Variants in EXOC2 observed in about 807,000 individuals in gnomAD.
EXOC2 encodes exocyst complex component 2, also known as SEC5-like 1.
EXOC2 carries 70 observed loss-of-function variants against 131.8 expected under a neutral mutation model. The observed-to-expected ratio is 0.53, with a 90% CI of 0.44 to 0.65. The LOEUF (loss-of-function observed/expected upper bound fraction) is 0.65, where lower values mean the gene tolerates loss of function less well. EXOC2 is among the 30% of genes least tolerant of loss of function. EXOC2 has a pLI of 0.00. For synonymous variants in EXOC2, 411 were observed against 398.4 expected (o/e 1.03, Z -0.38); for missense variants, 923 against 1,108.6 (o/e 0.83, Z 2.38).
chr6:577,341 T>A (rs1220742405), intron 11 of EXOC2, among the ~76,000 whole-genome samples: 1 of 152,210 alleles, frequency 6.6e-6, no homozygotes, highest in East Asian at 1.9e-4. Flanking sequence ...ATGCCAGTCA[T>A]CTAGTGTGGA....
At chr6:690,071 G>A (rs9504777) in intron 1 of EXOC2, among the ~76,000 whole-genome samples, 9 of 152,144 alleles carry the variant, frequency 5.9e-5, no homozygotes, top group African/African-American at 2.2e-4. Flanking sequence ...TTCAAATTGA[G>A]ATCAGCCAGG....
intron 1 of EXOC2, among the ~76,000 whole-genome samples, chr6:692,264 A>T (rs1206095695): frequency 6.6e-6 from 1 of 152,250 alleles, no homozygotes; most frequent in Non-Finnish European, 1.5e-5. Flanking sequence ...GCAGATTAAA[A>T]ATAACTTACT....
At chr6:688,559 G>A (rs921282538) in intron 1 of EXOC2, among the ~76,000 whole-genome samples, 2 of 152,240 alleles carry the variant, frequency 1.3e-5, no homozygotes, top group Non-Finnish European at 2.9e-5. Flanking sequence ...AACAGTGGGA[G>A]GCCTGCACTT....
chr6:490,129 TAAAC>T (rs1490731649), intron 26 of EXOC2, among the ~76,000 whole-genome samples: 2 of 152,230 alleles, frequency 1.3e-5, no homozygotes, highest in Non-Finnish European at 2.9e-5. Context: ...ACAATAATGA[TAAAC>T]ATACTACATA....
chr6:493,968 G>C (rs926743117), intron 25 of EXOC2, among the ~76,000 whole-genome samples: 1 of 152,202 alleles, frequency 6.6e-6, no homozygotes, highest in African/African-American at 2.4e-5. Context: ...GTAATGTGTA[G>C]AGAGGGCGGA....
Position 617,935 on chromosome 6 carries a change from C to A in EXOC2, c.537-100G>T, listed in dbSNP as rs556592932. On this transcript the variant is annotated intron_variant, in intron 5 of 27. Coordinates refer to ENST00000230449, the MANE Select transcript of EXOC2 (RefSeq NM_018303.6). ...AACACTAAATATGCTAAAACCGATG[C>A]TAAGTAGCACACAGATTAATATCAT... The A allele has an allele frequency of 1.3e-5, 17 of 1,341,238 alleles. No homozygotes were observed. In the African/African-American group the frequency reaches 1.8e-4, roughly 14 times the overall value. 83.1% of individuals were successfully genotyped at this position (1,341,238 alleles called of 1,614,324 possible).
intron 23 of EXOC2, among the ~76,000 whole-genome samples, chr6:526,470 C>T (rs866161343): frequency 7.7e-5 from 9 of 116,746 alleles, no homozygotes; most frequent in South Asian, 2.6e-4. Context: ...GACAGAGTTT[C>T]GCTCTTGTTG....
chr6:643,773 A>G, intron 1 of EXOC2, among the ~76,000 whole-genome samples: 1 of 152,140 alleles, frequency 6.6e-6, no homozygotes, highest in East Asian at 1.9e-4. Context: ...GTTCTTCACC[A>G]ACAATTAATG....
intron 25 of EXOC2, among the ~76,000 whole-genome samples, chr6:494,610 C>A (rs1309885950): frequency 6.6e-6 from 1 of 152,166 alleles, no homozygotes; most frequent in Non-Finnish European, 1.5e-5. Context: ...GAACCCCCAC[C>A]ACCCACAGGA....
chr6:592,250 C>G (rs558416893), intron 11 of EXOC2, among the ~76,000 whole-genome samples: 11 of 152,100 alleles, frequency 7.2e-5, no homozygotes, highest in Non-Finnish European at 1.6e-4. Flanking sequence ...GAAACGTCAA[C>G]GCTGTCCACC....
chr6:564,496 T>A (rs771237478), intron 15 of EXOC2, 49 bp downstream of exon 15: 1 of 1,605,090 alleles, frequency 6.2e-7, no homozygotes, highest in East Asian at 2.2e-5. Context: ...TTCCAAAAAG[T>A]TAAAAAAAAC....
rs1411246348 is a variant in EXOC2 at position 497,429 on chromosome 6, A to AAACTGCTT, written c.2489_2496dup (p.Ser833LysfsTer10). 6.2e-7 allele frequency: 1 copy of AAACTGCTT among 1,614,098 alleles called. No individual in the cohort carries two copies. Among genetic ancestry groups the AAACTGCTT allele is most frequent in the Non-Finnish European group, 8.5e-7 (1 of 1,179,982 alleles). ...TGCATCAGTCGACTGAGCTCTTCAG[A>AAACTGCTT]AACTGCTTCTATCACCTTGGATAGT... On this transcript the variant is annotated frameshift_variant, in exon 25 of 28. Coordinates refer to ENST00000230449, the MANE Select transcript of EXOC2 (RefSeq NM_018303.6). LOFTEE classifies it high-confidence loss of function.
chr6:618,611 G>T (rs1178301258), intron 5 of EXOC2, among the ~76,000 whole-genome samples: 4 of 152,018 alleles, frequency 2.6e-5, no homozygotes, highest in African/African-American at 9.7e-5. Context: ...GCTTTAAAAA[G>T]CAATCAGGTT....
intron 7 of EXOC2, among the ~76,000 whole-genome samples, chr6:606,294 C>T (rs1760407815): frequency 6.6e-6 from 1 of 152,100 alleles, no homozygotes; most frequent in Non-Finnish European, 1.5e-5. Context: ...GAAGGGATAG[C>T]ATTAGGAGAT....
At chr6:659,328 G>C (rs890899649) in intron 1 of EXOC2, among the ~76,000 whole-genome samples, 1 of 152,192 alleles carries the variant, frequency 6.6e-6, no homozygotes, top group Non-Finnish European at 1.5e-5. Flanking sequence ...TTCCCAAACT[G>C]TCATTAGCGC....
intron 27 of EXOC2, among the ~76,000 whole-genome samples, chr6:487,819 CA>C (rs1169194990): frequency 6.6e-6 from 1 of 152,140 alleles, no homozygotes; most frequent in Non-Finnish European, 1.5e-5. Context: ...CACGGTTTAA[CA>C]ATGTTCAATA....
chr6:640,877 A>G (rs1442126660), intron 1 of EXOC2, among the ~76,000 whole-genome samples: 1 of 107,750 alleles, frequency 9.3e-6, no homozygotes, highest in Non-Finnish European at 2.1e-5. Flanking sequence ...AACTACTAAC[A>G]GCAGGTACAG....
At chr6:558,192 T>C (rs2127577838) in intron 17 of EXOC2, among the ~76,000 whole-genome samples, 1 of 152,360 alleles carries the variant, frequency 6.6e-6, no homozygotes, top group African/African-American at 2.4e-5. Flanking sequence ...ACAAGTTTAT[T>C]TTCTTATGGA....
chr6:551,229 C>T (rs78939854), intron 21 of EXOC2, among the ~76,000 whole-genome samples: 2,541 of 152,246 alleles, frequency 0.017, 44 homozygotes, highest in African/African-American at 0.043. Context: ...TCAGGAGAAC[C>T]CGCTCAGTGA....
Sources: allele counts gnomAD v4.1 joint callset (sites outside exome capture counted in the v4.1 genomes callset), GRCh38; gene constraint gnomAD v4.1.1; transcripts MANE v1.5; gene names NCBI Gene and HGNC (gene_info 2026-07-23, HGNC 2026-07-21).